The following PRDX6 variants were observed in gnomAD, a reference collection of about 807,000 sequenced individuals.
The protein encoded by PRDX6 is peroxiredoxin-6.
PRDX6 carries 13 observed loss-of-function variants against 20.0 expected under a neutral mutation model. The ratio of observed to expected loss-of-function variants is 0.65; its 90% confidence interval spans 0.42 to 1.03. PRDX6 has a LOEUF of 1.03. Ranked by LOEUF, PRDX6 falls within the 50% of genes least tolerant of loss-of-function variation. The pLI, the probability that PRDX6 is intolerant of heterozygous loss-of-function variation, is 0.00. For missense variants in PRDX6, 203 were observed against 276.9 expected (o/e 0.73, Z 1.89); for synonymous variants, 85 against 100.8 (o/e 0.84, Z 0.94).
intron 1 of PRDX6, among the ~76,000 whole-genome samples, chr1:173,478,388 TCA>T (rs1658742594): frequency 6.6e-6 from 1 of 152,190 alleles, no homozygotes; most frequent in African/African-American, 2.4e-5. Context: ...GGCTTGCCCC[TCA>T]CTGTCCCCTC....
intron 2 of PRDX6, among the ~76,000 whole-genome samples, chr1:173,484,137 ATTAGATATATATAT>A (rs71573018): frequency 3.9e-4 from 39 of 100,304 alleles, no homozygotes; most frequent in Non-Finnish European, 5.4e-4. Context: ...AAAAAAAAAA[ATTAGATATATATAT>A]TTATATATAT....
chr1:173,477,557 G>C (rs1658718344), intron 1 of PRDX6, 65 bp downstream of exon 1: 2 of 1,336,452 alleles, frequency 1.5e-6, no homozygotes, highest in Non-Finnish European at 2.1e-6. Flanking sequence ...TGCCTTCCCT[G>C]TTTCTTCTCC....
rs1258703046 is a variant in PRDX6 at position 173,485,397 on chromosome 1, A to G, written c.289A>G (p.Lys97Glu). Residue 97 changes from lysine to glutamate, a missense_variant, in exon 3 of 5, where the codon AAG becomes GAG. Physicochemically the swap from Lys to Glu is moderately conservative, Grantham distance 56. Coordinates refer to ENST00000340385, the MANE Select transcript of PRDX6 (RefSeq NM_004905.3). ...NAYNCEEPTE[K>E]LPFPIIDDRN... Reference sequence around the variant, plus strand: ...TTACAATTGTGAAGAGCCCACAGAAAAGTTACCTTTTCCCATCATCGATGA... The same window carrying G: ...TTACAATTGTGAAGAGCCCACAGAAGAGTTACCTTTTCCCATCATCGATGA... 8.7e-6 allele frequency: 14 copies of G among 1,608,012 alleles called. No homozygotes were observed. The highest frequency in any genetic ancestry group is 7.8e-5 in the South Asian group (7 of 89,858).
At chr1:173,484,005 G>A (rs536442197) in intron 2 of PRDX6, among the ~76,000 whole-genome samples, 3 of 151,066 alleles carry the variant, frequency 2.0e-5, no homozygotes, top group African/African-American at 7.3e-5. Flanking sequence ...TCAGGAGGCT[G>A]AGGCAGAGAA....
At chr1:173,484,177 T>TATATATATATTTATATATACAC in intron 2 of PRDX6, among the ~76,000 whole-genome samples, 1 of 103,934 alleles carries the variant, frequency 9.6e-6, no homozygotes, top group African/African-American at 3.1e-5. Flanking sequence ...TTTATATATA[T>TATATATATATTTATATATACAC]ACACACACAC....
At chr1:173,486,024 C>A (rs1658890544) in intron 3 of PRDX6, among the ~76,000 whole-genome samples, 1 of 152,194 alleles carries the variant, frequency 6.6e-6, no homozygotes, top group Non-Finnish European at 1.5e-5. Flanking sequence ...GTTTTTCTTA[C>A]TGGGAAAGCC....
At chr1:173,486,428 C>A in intron 4 of PRDX6, 27 bp downstream of exon 4, 1 of 1,588,658 alleles carries the variant, frequency 6.3e-7, no homozygotes, top group Non-Finnish European at 8.6e-7. Context: ...AAAGCAGTTT[C>A]TCTACTTGCC....
chr1:173,480,944 A>G (rs555772346), intron 1 of PRDX6, among the ~76,000 whole-genome samples: 2 of 152,346 alleles, frequency 1.3e-5, no homozygotes, highest in East Asian at 3.9e-4. Context: ...TGCTAGAAAA[A>G]AATGTAGAAA....
intron 1 of PRDX6, among the ~76,000 whole-genome samples, chr1:173,478,617 T>C (rs894400389): frequency 1.3e-5 from 2 of 152,152 alleles, no homozygotes; most frequent in Non-Finnish European, 2.9e-5. Context: ...TCTGGAGTAC[T>C]AGTGGTCCCA....
chr1:173,485,538 C>T, intron 3 of PRDX6, 31 bp downstream of exon 3: 1 of 1,546,934 alleles, frequency 6.5e-7, no homozygotes, highest in Non-Finnish European at 8.8e-7. Flanking sequence ...TTGTAGTTAG[C>T]TTAACTGATC....
intron 3 of PRDX6, among the ~76,000 whole-genome samples, chr1:173,486,010 A>G (rs1389390508): frequency 6.6e-6 from 1 of 152,236 alleles, no homozygotes; most frequent in Non-Finnish European, 1.5e-5. Context: ...AAATTTGCAT[A>G]TCAGTTTTTC....
At position 173,483,348 on chromosome 1, in the gene PRDX6, T is replaced by G. The variant is rs75905143; in HGVS notation, c.252+1866T>G. 6.0e-3 allele frequency among the ~76,000 whole-genome samples: 909 copies of G among 152,292 alleles called. 2 individuals are homozygous for G. Among genetic ancestry groups the G allele is most frequent in the Non-Finnish European group, 8.8e-3 (601 of 68,034 alleles). On this transcript the variant is annotated intron_variant, in intron 2 of 4. Coordinates refer to ENST00000340385, the MANE Select transcript of PRDX6 (RefSeq NM_004905.3). ...AATCTGCCTCTAGCATGAGACTATA[T>G]TAATTATTATTTAGCTCTGGTGACT...
At position 173,486,348 on chromosome 1, in the gene PRDX6, A is replaced by T. The variant is rs956852778; in HGVS notation, c.493A>T (p.Ile165Phe). Residue 165 changes from isoleucine (I) to phenylalanine (F), a missense_variant, in exon 4 of 5, where the codon ATC becomes TTC. Coordinates refer to ENST00000340385, the MANE Select transcript of PRDX6 (RefSeq NM_004905.3). ...RNFDEILRVVISLQLTAEKRV... is the reference protein window; with the variant it reads ...RNFDEILRVVFSLQLTAEKRV... ...CTTTGATGAGATTCTCAGGGTAGTC[A>T]TCTCTCTCCAGCTGACAGCAGAAAA... The T allele has an allele frequency of 1.9e-6, 3 of 1,612,698 alleles. No individual in the cohort carries two copies. Among genetic ancestry groups the T allele is most frequent in the Non-Finnish European group, 2.5e-6 (3 of 1,179,416 alleles).
chr1:173,478,078 A>G (rs1385796507), intron 1 of PRDX6, among the ~76,000 whole-genome samples: 1 of 152,188 alleles, frequency 6.6e-6, no homozygotes, highest in Non-Finnish European at 1.5e-5. Context: ...GTGCAGTGGT[A>G]TTTGCAGGCT....
At chr1:173,481,790 C>T in intron 2 of PRDX6, 1 of 295,814 alleles carries the variant, frequency 3.4e-6, no homozygotes, top group Non-Finnish European at 6.4e-6. Context: ...TCTTCATCTC[C>T]CAACTCCTAA....
Position 173,485,385 on chromosome 1 carries a change from G to A in PRDX6, c.277G>A (p.Glu93Lys). 6.2e-7 allele frequency: 1 copy of A among 1,602,704 alleles called. No homozygotes were observed. Among genetic ancestry groups the A allele is most frequent in the Non-Finnish European group, 8.5e-7 (1 of 1,174,276 alleles). The change falls in exon 3 of 5, where the codon GAG becomes AAG. Residue 93 changes from glutamate to lysine, a missense_variant. Coordinates refer to ENST00000340385, the MANE Select transcript of PRDX6 (RefSeq NM_004905.3). ...SKDINAYNCE[E>K]PTEKLPFPII... ...GGATATCAATGCTTACAATTGTGAAGAGCCCACAGAAAAGTTACCTTTTCC... is the reference window on the plus strand; with the variant it reads ...GGATATCAATGCTTACAATTGTGAAAAGCCCACAGAAAAGTTACCTTTTCC...
chr1:173,481,109 C>T (rs1353635826), intron 1 of PRDX6: 3 of 512,376 alleles, frequency 5.9e-6, no homozygotes, highest in Non-Finnish European at 1.0e-5. Context: ...TCTTGAATTT[C>T]ATGTCTTTGA....
rs1658940748 is a variant in PRDX6 at position 173,488,516 on chromosome 1, A to G, written c.*653A>G. The G allele has an allele frequency of 6.6e-6, 1 of 152,150 alleles. No individual in the cohort carries two copies. 9.4% of individuals were successfully genotyped at this position (152,150 alleles called of 1,614,324 possible). ...GAAAGAGACCTTTAAATATTTTGCT[A>G]TAAAAAAATTTGTGATAAGTTTCTA... On this transcript the variant is annotated 3_prime_UTR_variant, in exon 5 of 5. Coordinates refer to ENST00000340385, the MANE Select transcript of PRDX6 (RefSeq NM_004905.3).
At position 173,486,251 on chromosome 1, in the gene PRDX6, A is replaced by G; in HGVS notation, c.400-4A>G. 2.5e-6 allele frequency: 4 copies of G among 1,601,318 alleles called. No individual in the cohort carries two copies. The highest frequency in any genetic ancestry group is 3.4e-6 in the Non-Finnish European group (4 of 1,175,392). ...TCCTATTTATGCCCCTCTGTGCTTTACAGGTGTTTGTTTTTGGTCCTGATA... is the reference window on the plus strand; with the variant it reads ...TCCTATTTATGCCCCTCTGTGCTTTGCAGGTGTTTGTTTTTGGTCCTGATA... On this transcript the variant is annotated splice_polypyrimidine_tract_variant and splice_region_variant and intron_variant, in intron 3 of 4. Transcript: ENST00000340385.
Sources: gnomAD v4.1 joint callset for allele counts (sites outside exome capture counted in the v4.1 genomes callset) on GRCh38, gnomAD v4.1.1 for gene constraint, MANE v1.5 for transcripts, NCBI Gene and HGNC (gene_info 2026-07-23, HGNC 2026-07-21) for gene names.